IGF2R: variants seen among roughly 807,000 people sequenced by gnomAD.
The protein encoded by IGF2R is cation-independent mannose-6-phosphate receptor.
Under a neutral mutation model 270.6 loss-of-function variants are expected in IGF2R, and 91 were observed. The observed-to-expected ratio is 0.34, with a 90% confidence interval of 0.28 to 0.40. IGF2R has a LOEUF of 0.40. Ranked by LOEUF, IGF2R falls within the 10% of genes least tolerant of loss-of-function variation. The pLI, the probability that IGF2R is intolerant of heterozygous loss-of-function variation, is 1.00. For missense variants in IGF2R, 2,805 were observed against 3,188.3 expected (o/e 0.88, Z 2.90); for synonymous variants, 1,316 against 1,258.9 (o/e 1.05, Z -0.96).
intron 2 of IGF2R, chr6:160,005,544 C>A (rs1486776165): frequency 6.6e-6 from 1 of 152,268 alleles, no homozygotes; most frequent in African/African-American, 2.4e-5. Flanking sequence ...TGGGTCACTC[C>A]CTTCCCGCTT....
chr6:160,048,521 A>G lies in IGF2R; in HGVS notation c.2492A>G (p.Gln831Arg). The G allele has an allele frequency of 6.2e-7, 1 of 1,613,808 alleles. No individual in the cohort carries two copies. Among genetic ancestry groups the G allele is most frequent in the Non-Finnish European group, 8.5e-7 (1 of 1,179,918 alleles). ...TGCAACCGATATGCATCGGCTTGCCAGATGAAGTATGAAAAAGATCAGGTG... is the reference window on the plus strand; with the variant it reads ...TGCAACCGATATGCATCGGCTTGCCGGATGAAGTATGAAAAAGATCAGGTG... ...PGCNRYASAC[Q>R]MKYEKDQGSF... Residue 831 changes from glutamine (Q) to arginine (R), a missense_variant, in exon 18 of 48, where the codon CAG (glutamine) becomes CGG (arginine). By Grantham distance (43) the Gln-to-Arg change is conservative. Transcript: ENST00000356956.
intron 44 of IGF2R, chr6:160,095,154 AG>A (rs1779323535): frequency 6.6e-6 from 1 of 152,122 alleles, no homozygotes; most frequent in Non-Finnish European, 1.5e-5. Context: ...TTGTTAGTGC[AG>A]TGTTGACTAT....
At chr6:160,005,467 A>G (rs1784205419) in intron 2 of IGF2R, 1 of 151,764 alleles carries the variant, frequency 6.6e-6, no homozygotes, top group African/African-American at 2.4e-5. Flanking sequence ...GCCGGCGAGG[A>G]GTGGGTGTGC....
chr6:159,979,880 T>C (rs1783752467), intron 1 of IGF2R, among the ~76,000 whole-genome samples: 1 of 152,126 alleles, frequency 6.6e-6, no homozygotes, highest in Non-Finnish European at 1.5e-5. Flanking sequence ...CCTTGAGGAC[T>C]TCAGTAGATT....
intron 1 of IGF2R, among the ~76,000 whole-genome samples, chr6:159,971,180 T>G: frequency 6.6e-6 from 1 of 152,226 alleles, no homozygotes; most frequent in Non-Finnish European, 1.5e-5. Flanking sequence ...TCTTCACAGT[T>G]AAGATTAAGG....
intron 10 of IGF2R, among the ~76,000 whole-genome samples, chr6:160,035,208 G>A (rs1345895156): frequency 6.6e-6 from 1 of 152,198 alleles, no homozygotes; most frequent in Non-Finnish European, 1.5e-5. Flanking sequence ...TCCCACCACT[G>A]CTCAGAGCAA....
chr6:159,977,609 C>A (rs1433805170), intron 1 of IGF2R, among the ~76,000 whole-genome samples: 1 of 152,214 alleles, frequency 6.6e-6, no homozygotes, highest in Non-Finnish European at 1.5e-5. Flanking sequence ...TTTCTCTGGA[C>A]CTCATTTTCC....
Position 160,106,555 on chromosome 6 carries a change from G to C in IGF2R, c.*1471G>C, listed in dbSNP as rs768325207. 1 of 151,976 alleles carries C rather than the reference G, an allele frequency of 6.6e-6. No homozygotes were observed. The highest frequency in any genetic ancestry group is 1.5e-5 in the Non-Finnish European group (1 of 67,976). 9.4% of individuals were successfully genotyped at this position (151,976 alleles called of 1,614,324 possible). A position where few individuals can be genotyped will look rare whatever the true frequency, so the allele number is the denominator to read the frequency against. On this transcript the variant is annotated 3_prime_UTR_variant, in exon 48 of 48. Transcript: ENST00000356956. ...TCAATAAAAGATAAATTATTAATTG[G>C]GTGTTACCATTTTTTCCTTGATAGT...
Position 160,063,482 on chromosome 6 carries a change from C to T in IGF2R, c.3738C>T (p.Asn1246=), listed in dbSNP as rs545952906. ...ATGACCTGAAGCCCCTGGGCCTCAA[C>T]GACACCATCGTGAGCGCTGGCGAAT... The part of the protein sequence containing the change: ...NLYDLKPLGL[N]DTIVSAGEYT... The change falls in exon 27 of 48, where the codon AAC becomes AAT. Residue 1246 remains asparagine, a synonymous_variant. Coordinates refer to ENST00000356956, the MANE Select transcript of IGF2R (RefSeq NM_000876.4). The T allele has an allele frequency of 5.8e-5, 93 of 1,613,612 alleles. No individual in the cohort carries two copies. Among genetic ancestry groups the T allele is most frequent in the South Asian group, 2.1e-4 (19 of 91,060 alleles).
At chr6:160,005,730 TC>T (rs1784211967) in intron 2 of IGF2R, 1 of 46,740 alleles carries the variant, frequency 2.1e-5, no homozygotes, top group South Asian at 7.4e-4. Flanking sequence ...CCGCCCCCCA[TC>T]CCCCACCCGC....
rs778505260 is a variant in IGF2R at position 160,080,282 on chromosome 6, A to G, written c.5833+7A>G. ...TGGGGCTTCTGCAGACACTGTGAGT[A>G]GGACGGCTCCGCGTCCCCACATGGC... On this transcript the variant is annotated splice_region_variant and intron_variant, in intron 39 of 47. Transcript: ENST00000356956. 10 of 1,612,684 alleles carry G rather than the reference A, an allele frequency of 6.2e-6. No individual in the cohort carries two copies. The highest frequency in any genetic ancestry group is 8.5e-6 in the Non-Finnish European group (10 of 1,179,170).
At chr6:160,081,613 C>G (rs2115284287) in intron 39 of IGF2R, among the ~76,000 whole-genome samples, 1 of 152,334 alleles carries the variant, frequency 6.6e-6, no homozygotes, top group East Asian at 1.9e-4. Flanking sequence ...TGCAGGAGGC[C>G]AGGGCGTGTT....
In IGF2R at chr6:160,105,091, A is replaced by G; in HGVS notation, c.*7A>G. ...GGACCTCTTACACATCTGACTCCGCAGTGCCTGCAGGGGAGCACGGAGCCG... is the reference window on the plus strand; with the variant it reads ...GGACCTCTTACACATCTGACTCCGCGGTGCCTGCAGGGGAGCACGGAGCCG... On this transcript the variant is annotated 3_prime_UTR_variant, in exon 48 of 48. Transcript: ENST00000356956. 1 of 1,556,084 alleles carries G rather than the reference A, an allele frequency of 6.4e-7. No homozygotes were observed. The highest frequency in any genetic ancestry group is 8.7e-7 in the Non-Finnish European group (1 of 1,149,884).
At chr6:160,042,480 C>T (rs569735667) in intron 11 of IGF2R, among the ~76,000 whole-genome samples, 18 of 152,276 alleles carry the variant, frequency 1.2e-4, no homozygotes, top group African/African-American at 2.2e-4. Context: ...GACTGTTCGC[C>T]GTGTGGTTTG....
chr6:160,059,073 C>T lies in IGF2R; in HGVS notation c.3066C>T (p.Thr1022=), dbSNP rs1218400712. 8 of 1,614,108 alleles carry T rather than the reference C, an allele frequency of 5.0e-6. No individual in the cohort carries two copies. The highest frequency in any genetic ancestry group is 6.8e-6 in the Non-Finnish European group (8 of 1,180,008). The change falls in exon 22 of 48, where the codon ACC becomes ACT. Residue 1022 remains threonine, a synonymous_variant. Coordinates refer to ENST00000356956, the MANE Select transcript of IGF2R (RefSeq NM_000876.4). The part of the protein sequence containing the change: ...QLSTEGFITL[T]YKGPLSAKGT... ...CCACAGAGGGCTTCATCACTCTGAC[C>T]TACAAAGGGCCTCTCTCTGCCAAAG...
intron 33 of IGF2R, 54 bp from the exon 34 acceptor site, chr6:160,073,159 A>G (rs1778781198): frequency 1.9e-6 from 3 of 1,591,366 alleles, no homozygotes; most frequent in Admixed American, 1.7e-5. Flanking sequence ...CTCATCAGAA[A>G]ATTGGCCATC....
chr6:160,089,205 C>T lies in IGF2R; in HGVS notation c.6419C>T (p.Thr2140Ile). The T allele has an allele frequency of 1.9e-6, 3 of 1,613,492 alleles. No homozygotes were observed. The highest frequency in any genetic ancestry group is 2.5e-6 in the Non-Finnish European group (3 of 1,179,554). ...GTGCAGATGGTGAATGGGACCATCA[C>T]CAACCCTATAAATGGCAAGAGCTTC... Reference protein sequence around the residue: ...QEVQMVNGTITNPINGKSFSL... With the variant: ...QEVQMVNGTIINPINGKSFSL... The change falls in exon 43 of 48, where the codon ACC (threonine) becomes ATC (isoleucine). Residue 2140 changes from threonine to isoleucine, a missense_variant. Thr to Ile is a moderately conservative substitution (Grantham distance 89). This residue lies in a region of IGF2R where 1,851 missense variants were observed against 2,207.2 expected (regional missense o/e 0.84). Coordinates refer to ENST00000356956, the MANE Select transcript of IGF2R (RefSeq NM_000876.4).
intron 31 of IGF2R, 110 bp downstream of exon 31, chr6:160,070,168 C>T: frequency 9.5e-7 from 1 of 1,054,604 alleles, no homozygotes; most frequent in African/African-American, 1.6e-5. Flanking sequence ...GTTCTAGAGC[C>T]TGGGATGATG....
At chr6:160,032,090 G>A (rs1777710938) in intron 7 of IGF2R, among the ~76,000 whole-genome samples, 1 of 152,192 alleles carries the variant, frequency 6.6e-6, no homozygotes. Flanking sequence ...GGTTGTGCAC[G>A]CATGTGATAA....
Sources: gnomAD v4.1 joint callset for allele counts (sites outside exome capture counted in the v4.1 genomes callset) on GRCh38, gnomAD v4.1.1 for gene constraint, gnomAD v4.1.1 regional missense constraint, MANE v1.5 for transcripts, NCBI Gene and HGNC (gene_info 2026-07-23, HGNC 2026-07-21) for gene names.